Variants in ANKRD36B observed in about 807,000 individuals in gnomAD.
The protein encoded by ANKRD36B is ankyrin repeat domain 36B, also known as ankyrin repeat domain-containing protein 36B.
A neutral mutation model predicts 135.7 loss-of-function variants in ANKRD36B; 37 were observed. That is an observed-to-expected ratio of 0.27 (90% confidence interval 0.21 to 0.36). The LOEUF is 0.36. Ranked by LOEUF, ANKRD36B falls within the 10% of genes least tolerant of loss-of-function variation. ANKRD36B has a pLI of 1.00. For synonymous variants in ANKRD36B, 179 were observed against 348.1 expected (o/e 0.51, Z 5.41); for missense variants, 549 against 1,037.1 (o/e 0.53, Z 6.46).
At chr2:97,493,962 C>T (rs375734843) in intron 43 of ANKRD36B, among the ~76,000 whole-genome samples, 1 of 103,770 alleles carries the variant, frequency 9.6e-6, no homozygotes, top group Non-Finnish European at 2.7e-5. Flanking sequence ...TTCTATGTAC[C>T]TCAACAGCAT....
chr2:97,525,216 A>C lies in ANKRD36B; in HGVS notation c.2266-1749T>G, dbSNP rs1428269588. 2.1e-5 allele frequency among the ~76,000 whole-genome samples: 2 copies of C among 96,940 alleles called. 1 individual carries two copies. Among genetic ancestry groups the C allele is most frequent in the Non-Finnish European group, 5.5e-5 (2 of 36,490 alleles). The allele number at this position is 96,940 out of a possible 152,430, so 63.6% of individuals were successfully genotyped here. A position where few individuals can be genotyped will look rare whatever the true frequency, so the allele number is the denominator to read the frequency against. On this transcript the variant is annotated intron_variant, in intron 35 of 43. Coordinates refer to ENST00000359901, the MANE Select transcript of ANKRD36B (RefSeq NM_001393939.1). ...TTGAACTAAACTTGACTAATTCATT[A>C]TGTGTTAAATTTCCCAAAAATGAAT...
At chr2:97,557,957 T>G (rs1426152297) in intron 10 of ANKRD36B, among the ~76,000 whole-genome samples, 1 of 151,856 alleles carries the variant, frequency 6.6e-6, no homozygotes, top group Admixed American at 6.6e-5. Context: ...AGTCAATTAA[T>G]GAATTCACCA....
Position 97,551,299 on chromosome 2 carries a change from T to C in ANKRD36B, c.1365A>G (p.Ile455Met). The stretch of plus-strand genomic sequence containing the variant: ...GTTTCGCAAAATTACCTGTCCTAGA[T>C]ATTTCTCCATCCTTTTTTTCTCTGG... ...NITREKKDGE[I>M]SRTVSSQKPP... The change falls in exon 18 of 44, where the codon ATA becomes ATG. Residue 455 changes from isoleucine (I) to methionine (M), a missense_variant. Transcript: ENST00000359901. 6.4e-7 allele frequency: 1 copy of C among 1,563,136 alleles called. No homozygotes were observed. Among genetic ancestry groups the C allele is most frequent in the Non-Finnish European group, 8.6e-7 (1 of 1,157,482 alleles).
intron 6 of ANKRD36B, among the ~76,000 whole-genome samples, chr2:97,561,869 G>A (rs1193213395): frequency 6.6e-6 from 1 of 151,830 alleles, no homozygotes; most frequent in Non-Finnish European, 1.5e-5. Context: ...GTGCCCAATG[G>A]TAACAAAGAG....
chr2:97,558,506 G>A (rs999012786), intron 10 of ANKRD36B, among the ~76,000 whole-genome samples: 1 of 151,746 alleles, frequency 6.6e-6, no homozygotes, highest in African/African-American at 2.4e-5. Flanking sequence ...TTCCTCCCTT[G>A]GTGAAAACAT....
intron 6 of ANKRD36B, among the ~76,000 whole-genome samples, chr2:97,571,311 A>T (rs910103402): frequency 2.0e-5 from 3 of 152,110 alleles, no homozygotes; most frequent in Non-Finnish European, 4.4e-5. Context: ...GTGAACAACC[A>T]TTGCACTCCA....
intron 35 of ANKRD36B, among the ~76,000 whole-genome samples, chr2:97,527,199 G>A (rs534914412): frequency 2.1e-5 from 2 of 96,494 alleles, no homozygotes; most frequent in African/African-American, 6.2e-5. Context: ...GACTAACAGT[G>A]GATCTCTCGG....
chr2:97,574,171 A>T (rs1369342582), intron 6 of ANKRD36B, among the ~76,000 whole-genome samples: 2 of 152,140 alleles, frequency 1.3e-5, no homozygotes, highest in Non-Finnish European at 2.9e-5. Context: ...GAATCTACAA[A>T]GAGCTCAAAC....
intron 6 of ANKRD36B, among the ~76,000 whole-genome samples, chr2:97,565,152 T>G (rs1431193158): frequency 1.3e-5 from 2 of 152,210 alleles, no homozygotes; most frequent in Non-Finnish European, 1.5e-5. Flanking sequence ...ATTTCACTCA[T>G]GATTTAGCAC....
chr2:97,549,270 A>G, intron 20 of ANKRD36B, 149 bp downstream of exon 20: 1 of 904,126 alleles, frequency 1.1e-6, no homozygotes, highest in South Asian at 1.7e-5. Flanking sequence ...CAGCATCAGC[A>G]TCACTCAAGA....
chr2:97,557,191 C>T (rs1032179908), intron 10 of ANKRD36B, 59 bp from the exon 11 acceptor site: 2 of 1,494,392 alleles, frequency 1.3e-6, no homozygotes, highest in Non-Finnish European at 1.8e-6. Context: ...GTCGTCCATA[C>T]ATTCATGCAG....
At chr2:97,534,369 C>T (rs2104478805) in intron 34 of ANKRD36B, among the ~76,000 whole-genome samples, 2 of 96,050 alleles carry the variant, frequency 2.1e-5, no homozygotes, top group Admixed American at 1.8e-4. Context: ...TAACTAATAT[C>T]AACACTTCTA....
chr2:97,577,947 GA>G (rs1461466364), intron 5 of ANKRD36B, among the ~76,000 whole-genome samples: 1 of 151,784 alleles, frequency 6.6e-6, no homozygotes, highest in Non-Finnish European at 1.5e-5. Flanking sequence ...TAGCAATAAA[GA>G]AGAACACTGT....
At position 97,544,751 on chromosome 2, in the gene ANKRD36B, A is replaced by G. The variant is rs1429038862; in HGVS notation, c.1682-766T>C. ...AGCATTAGATATTAATAAGTTTAAC[A>G]TTCAGAAATCAATCAAATATTCATT... On this transcript the variant is annotated intron_variant, in intron 24 of 43. Coordinates refer to ENST00000359901, the MANE Select transcript of ANKRD36B (RefSeq NM_001393939.1). Among the ~76,000 whole-genome samples, 4 of 97,038 alleles carry G rather than the reference A, an allele frequency of 4.1e-5. 1 individual carries two copies. Among genetic ancestry groups the G allele is most frequent in the Admixed American group, 3.6e-4 (4 of 10,962 alleles). The allele number at this position is 97,038 out of a possible 152,430, so 63.7% of individuals were successfully genotyped here. A position where few individuals can be genotyped will look rare whatever the true frequency, so the allele number is the denominator to read the frequency against.
At chr2:97,513,093 C>T (rs1356207678) in intron 38 of ANKRD36B, 87 bp downstream of exon 38, 3 of 1,408,192 alleles carry the variant, frequency 2.1e-6, no homozygotes, top group South Asian at 1.4e-5. Flanking sequence ...ATTGTTCAGG[C>T]CTAAATAATA....
chr2:97,556,171 TGCTTTGGAAAAAA>T (rs779850767), intron 12 of ANKRD36B, among the ~76,000 whole-genome samples: 241 of 152,028 alleles, frequency 1.6e-3, no homozygotes, highest in Non-Finnish European at 2.8e-3. Flanking sequence ...ATTCGGAAAA[TGCTTTGGAAAAAA>T]GCTTTGGAAA....
At chr2:97,548,835 T>C (rs2079752257) in intron 20 of ANKRD36B, among the ~76,000 whole-genome samples, 1 of 151,958 alleles carries the variant, frequency 6.6e-6, no homozygotes, top group Non-Finnish European at 1.5e-5. Context: ...CAAAATCAAG[T>C]ATTTTTTATT....
At chr2:97,555,664 A>T (rs1247352541) in intron 12 of ANKRD36B, among the ~76,000 whole-genome samples, 1 of 151,980 alleles carries the variant, frequency 6.6e-6, no homozygotes, top group Non-Finnish European at 1.5e-5. Flanking sequence ...TACTACAAAC[A>T]TTCATCATGC....
chr2:97,541,762 G>C lies in ANKRD36B; in HGVS notation c.1885+149C>G, dbSNP rs1310474007. On this transcript the variant is annotated intron_variant, in intron 28 of 43. Coordinates refer to ENST00000359901, the MANE Select transcript of ANKRD36B (RefSeq NM_001393939.1). Reference sequence around the variant, plus strand: ...CATGGTCAAGGACCAGCACCATCAGGGTCACCCGAGGACTTATTACAAATG... The same window carrying C: ...CATGGTCAAGGACCAGCACCATCAGCGTCACCCGAGGACTTATTACAAATG... 5.6e-5 allele frequency: 38 copies of C among 682,458 alleles called. 13 individuals are homozygous for C. The highest frequency in any genetic ancestry group is 2.8e-4 in the Middle Eastern group (1 of 3,622). 42.3% of individuals were successfully genotyped at this position (682,458 alleles called of 1,614,324 possible).
Sources: gnomAD v4.1 joint callset for allele counts (sites outside exome capture counted in the v4.1 genomes callset) on GRCh38, gnomAD v4.1.1 for gene constraint, MANE v1.5 for transcripts, NCBI Gene and HGNC (gene_info 2026-07-23, HGNC 2026-07-21) for gene names.